The following SLC24A1 variants were observed in gnomAD, a reference collection of about 807,000 sequenced individuals.
SLC24A1 encodes the protein solute carrier family 24 member 1, also known as sodium/potassium/calcium exchanger 1.
In SLC24A1, 52 loss-of-function variants were observed where a neutral mutation model predicts 88.1. The ratio of observed to expected loss-of-function variants is 0.59; its 90% CI spans 0.47 to 0.74. SLC24A1 has a LOEUF of 0.74. SLC24A1 is among the 30% of genes least tolerant of loss of function. SLC24A1 has a pLI of 0.00. For missense variants in SLC24A1, 1,173 were observed against 1,363.3 expected, an observed-to-expected ratio of 0.86 and a Z score of 2.20; for synonymous variants, 455 against 498.0, an observed-to-expected ratio of 0.91 and a Z score of 1.15.
At chr15:65,628,526 C>G (rs2074595444) in intron 2 of SLC24A1, among the ~76,000 whole-genome samples, 2 of 152,160 alleles carry the variant, frequency 1.3e-5, no homozygotes, top group South Asian at 2.1e-4. Context: ...TTACGGAGAG[C>G]CTATTCCATA....
downstream of SLC24A1, among the ~76,000 whole-genome samples, chr15:65,657,074 T>C (rs2075706334): frequency 6.6e-6 from 1 of 152,118 alleles, no homozygotes; most frequent in Non-Finnish European, 1.5e-5. Context: ...TTTTGCCATG[T>C]TGCCCAGGCT....
intron 4 of SLC24A1, among the ~76,000 whole-genome samples, chr15:65,642,649 G>C (rs921592707): frequency 5.9e-5 from 9 of 152,206 alleles, no homozygotes; most frequent in African/African-American, 2.2e-4. Context: ...GGACGAAGGT[G>C]TGTTGGCCCC....
chr15:65,646,807 T>C (rs2075315979), intron 6 of SLC24A1, among the ~76,000 whole-genome samples: 1 of 152,242 alleles, frequency 6.6e-6, no homozygotes, highest in Non-Finnish European at 1.5e-5. Context: ...CGCTTGATTA[T>C]ATCTCATCCT....
intron 2 of SLC24A1, among the ~76,000 whole-genome samples, chr15:65,615,716 T>A (rs935129382): frequency 6.6e-6 from 1 of 152,136 alleles, no homozygotes; most frequent in Non-Finnish European, 1.5e-5. Flanking sequence ...GGATAAAAAT[T>A]CAAAGTTAAT....
intron 8 of SLC24A1, chr15:65,652,060 C>T (rs754359424): frequency 8.3e-5 from 33 of 398,110 alleles, no homozygotes; most frequent in Non-Finnish European, 1.5e-4. Flanking sequence ...ATCCCTCTCA[C>T]CTGGTGAAAT....
At chr15:65,637,401 T>C (rs2074976536) in intron 2 of SLC24A1, among the ~76,000 whole-genome samples, 1 of 152,100 alleles carries the variant, frequency 6.6e-6, no homozygotes, top group Non-Finnish European at 1.5e-5. Flanking sequence ...TTGGGAAAGC[T>C]TCATACAAGA....
chr15:65,653,303 C>T (rs964057295), intron 9 of SLC24A1, among the ~76,000 whole-genome samples: 1 of 152,142 alleles, frequency 6.6e-6, no homozygotes, highest in Non-Finnish European at 1.5e-5. Context: ...TTTTCATTTC[C>T]CCAATCATGT....
chr15:65,651,731 C>A lies in SLC24A1; in HGVS notation c.2855C>A (p.Ser952Ter). 1.2e-6 allele frequency: 2 copies of A among 1,608,882 alleles called. No homozygotes were observed. Among genetic ancestry groups the A allele is most frequent in the South Asian group, 2.2e-5 (2 of 90,834 alleles). Residue 952 changes from serine to a stop codon, truncating the protein, a stop_gained, in exon 8 of 10, where the codon TCA (serine) becomes TAA (stop). Transcript: ENST00000261892. LOFTEE classifies it high-confidence loss of function. ...LGSIMWIAMF[S>*]YLMVWWAHQV... ...TCTATCATGTGGATAGCCATGTTCTCATACCTCATGGTGTGGTGGGCTCAC... is the reference window on the plus strand; with the variant it reads ...TCTATCATGTGGATAGCCATGTTCTAATACCTCATGGTGTGGTGGGCTCAC...
intron 6 of SLC24A1, among the ~76,000 whole-genome samples, chr15:65,646,267 C>T (rs1001386598): frequency 6.6e-5 from 10 of 152,034 alleles, no homozygotes; most frequent in South Asian, 2.1e-4. Context: ...TTAGTAGAGA[C>T]GGGGTTTCAA....
chr15:65,635,426 A>G (rs1174508266), intron 2 of SLC24A1, among the ~76,000 whole-genome samples: 1 of 141,862 alleles, frequency 7.0e-6, no homozygotes, highest in Non-Finnish European at 1.5e-5. Context: ...CAGCCTGGCA[A>G]CAGAGTGAGA....
chr15:65,626,828 A>G (rs1324055646), intron 2 of SLC24A1, among the ~76,000 whole-genome samples: 1 of 152,206 alleles, frequency 6.6e-6, no homozygotes, highest in Non-Finnish European at 1.5e-5. Context: ...CTACAGGCAC[A>G]TACCACCACA....
rs1227054809 is a variant in SLC24A1, at chr15:65,655,788, C to T, written c.*1709C>T. 5 of 985,026 alleles carry T rather than the reference C, an allele frequency of 5.1e-6. No homozygotes were observed. The highest frequency in any genetic ancestry group is 4.8e-6 in the Non-Finnish European group (4 of 829,750). 61.0% of individuals were successfully genotyped at this position (985,026 alleles called of 1,614,324 possible). ...AGATGAATTGCTTAATTAATTGCCT[C>T]GCTACCCCAGGATTCTCATTCTTTG... On this transcript the variant is annotated 3_prime_UTR_variant, in exon 10 of 10. Transcript: ENST00000261892.
intron 8 of SLC24A1, 157 bp downstream of exon 8, chr15:65,651,916 G>A: frequency 1.5e-6 from 1 of 653,522 alleles, no homozygotes; most frequent in Non-Finnish European, 2.8e-6. Flanking sequence ...TTTTATTCCA[G>A]TGAACGCAGT....
At position 65,654,132 on chromosome 15, in the gene SLC24A1, A is replaced by G; in HGVS notation, c.*53A>G. 1 of 1,578,982 alleles carries G rather than the reference A, an allele frequency of 6.3e-7. No individual in the cohort carries two copies. The highest frequency in any genetic ancestry group is 8.6e-7 in the Non-Finnish European group (1 of 1,162,060). ...TGGATCAGAAGACCATGCAGAAGTT[A>G]CTGTATCTCTTGTGACCCTAATGAA... On this transcript the variant is annotated 3_prime_UTR_variant, in exon 10 of 10. Transcript: ENST00000261892.
rs1742471048 is a variant in SLC24A1, at chr15:65,625,895, T to C, written c.1815T>C (p.His605=). The change falls in exon 2 of 10, where the codon CAT becomes CAC. Residue 605 remains histidine (H), a synonymous_variant. Transcript: ENST00000261892. ...TGTTCACCATGAAGTGGAACAAGCATATCGAGGTCTGGGTGAAGGAGCAGC... is the reference window on the plus strand; with the variant it reads ...TGTTCACCATGAAGTGGAACAAGCACATCGAGGTCTGGGTGAAGGAGCAGC... The part of the protein sequence containing the change: ...FYVFTMKWNK[H]IEVWVKEQLS... The C allele has an allele frequency of 1.2e-6, 2 of 1,613,858 alleles. No homozygotes were observed. Among genetic ancestry groups the C allele is most frequent in the Admixed American group, 3.3e-5 (2 of 59,998 alleles).
At chr15:65,633,353 A>G (rs1269294011) in intron 2 of SLC24A1, among the ~76,000 whole-genome samples, 1 of 152,178 alleles carries the variant, frequency 6.6e-6, no homozygotes, top group Non-Finnish European at 1.5e-5. Context: ...ATCAGGTTAG[A>G]GTGTATTATT....
chr15:65,649,399 A>T (rs1261984926), intron 6 of SLC24A1, among the ~76,000 whole-genome samples: 1 of 152,156 alleles, frequency 6.6e-6, no homozygotes, highest in Non-Finnish European at 1.5e-5. Context: ...TGCCCAGCCT[A>T]AAAATCTGAA....
downstream of SLC24A1, among the ~76,000 whole-genome samples, chr15:65,657,536 G>C (rs1399431173): frequency 6.6e-6 from 1 of 152,118 alleles, no homozygotes; most frequent in Non-Finnish European, 1.5e-5. Flanking sequence ...CCAGCTACTC[G>C]GGAGGCTGAG....
rs1055266477 is a variant in SLC24A1 at position 65,655,782 on chromosome 15, T to C, written c.*1703T>C. The C allele has an allele frequency of 5.1e-6, 5 of 985,224 alleles. No individual in the cohort carries two copies. In the African/African-American group the frequency reaches 8.7e-5, roughly 17 times the overall value. 61.0% of individuals were successfully genotyped at this position (985,224 alleles called of 1,614,324 possible). Reference sequence around the variant, plus strand: ...CTTTTAAGATGAATTGCTTAATTAATTGCCTCGCTACCCCAGGATTCTCAT... The same window carrying C: ...CTTTTAAGATGAATTGCTTAATTAACTGCCTCGCTACCCCAGGATTCTCAT... On this transcript the variant is annotated 3_prime_UTR_variant, in exon 10 of 10. Transcript: ENST00000261892.
Sources: allele counts gnomAD v4.1 joint callset (sites outside exome capture counted in the v4.1 genomes callset), GRCh38; gene constraint gnomAD v4.1.1; transcripts MANE v1.5; gene names NCBI Gene and HGNC (gene_info 2026-07-23, HGNC 2026-07-21).